Variants in CLTC observed in about 807,000 individuals in gnomAD.
The protein encoded by CLTC is clathrin heavy chain.
Under a neutral mutation model 195.8 loss-of-function variants are expected in CLTC, and 16 were observed. The observed-to-expected ratio is 0.08, with a 90% confidence interval of 0.06 to 0.12. The LOEUF is 0.12. Ranked by LOEUF, CLTC falls within the 10% of genes least tolerant of loss-of-function variation. The probability of loss-of-function intolerance (pLI) is 1.00; values close to 1 mark genes in which losing one functional copy is unlikely to be tolerated. For missense variants in CLTC, 796 were observed against 2,027.0 expected (o/e 0.39, Z 11.66); for synonymous variants, 667 against 689.4 (o/e 0.97, Z 0.51).
At chr17:59,661,770 A>G (rs147520728) in intron 8 of CLTC, 127 bp downstream of exon 8, 5 of 755,502 alleles carry the variant, frequency 6.6e-6, no homozygotes, top group South Asian at 5.1e-5. Flanking sequence ...AAAAACACAC[A>G]TTGCATAAGA....
intron 17 of CLTC, among the ~76,000 whole-genome samples, chr17:59,678,060 T>C (rs2033004054): frequency 6.6e-6 from 1 of 152,186 alleles, no homozygotes; most frequent in African/African-American, 2.4e-5. Flanking sequence ...TTCTCTATAT[T>C]TCATCTAAAT....
Position 59,660,425 on chromosome 17 carries a change from T to C in CLTC, c.1004T>C (p.Ile335Thr). Residue 335 changes from isoleucine (I) to threonine (T), a missense_variant, in exon 7 of 32, where the codon ATT becomes ACT. Ile to Thr is a moderately conservative substitution (Grantham distance 89). Coordinates refer to ENST00000269122, the MANE Select transcript of CLTC (RefSeq NM_004859.4). ...LSVCVEEENI[I>T]PYITNVLQNP... Reference sequence around the variant, plus strand: ...GTGTGTGTGGAAGAAGAAAACATAATTCCTTACATCACCAATGTTCTACAA... The same window carrying C: ...GTGTGTGTGGAAGAAGAAAACATAACTCCTTACATCACCAATGTTCTACAA... 1.2e-6 allele frequency: 2 copies of C among 1,614,112 alleles called. No homozygotes were observed. Among genetic ancestry groups the C allele is most frequent in the Non-Finnish European group, 1.7e-6 (2 of 1,179,972 alleles).
At chr17:59,684,357 C>T (rs1250213173) in intron 28 of CLTC, 1 of 183,274 alleles carries the variant, frequency 5.5e-6, no homozygotes, top group East Asian at 1.5e-4. Flanking sequence ...TATAAACTTT[C>T]TCTTATGAAG....
chr17:59,645,276 T>C (rs189627484), intron 2 of CLTC, among the ~76,000 whole-genome samples: 21 of 152,334 alleles, frequency 1.4e-4, no homozygotes, highest in African/African-American at 4.3e-4. Flanking sequence ...GGCTTGAATT[T>C]ACAGTAATTG....
chr17:59,680,511 T>G (rs1410682887), intron 18 of CLTC, among the ~76,000 whole-genome samples: 1 of 152,102 alleles, frequency 6.6e-6, no homozygotes, highest in Non-Finnish European at 1.5e-5. Context: ...CAAAGCTTCC[T>G]AGGGGAAGGT....
At chr17:59,671,830 T>G (rs2032854786) in intron 14 of CLTC, among the ~76,000 whole-genome samples, 1 of 152,220 alleles carries the variant, frequency 6.6e-6, no homozygotes, top group Non-Finnish European at 1.5e-5. Flanking sequence ...TTACCTTCTT[T>G]GGGTTTCTGA....
chr17:59,664,705 T>C (rs2032688235), intron 9 of CLTC, 82 bp from the exon 10 acceptor site: 1 of 1,466,064 alleles, frequency 6.8e-7, no homozygotes, highest in African/African-American at 1.4e-5. Context: ...TCTATATTAG[T>C]GAGATTTTAT....
At position 59,620,008 on chromosome 17, in the gene CLTC, C is replaced by G; in HGVS notation, c.-124C>G. 2.5e-6 allele frequency: 2 copies of G among 809,476 alleles called. No homozygotes were observed. The highest frequency in any genetic ancestry group is 4.0e-6 in the Non-Finnish European group (2 of 497,170). The allele number at this position is 809,476 out of a possible 1,614,324, so 50.1% of individuals were successfully genotyped here. ...GTCTGCCTGCCAGTTTCCTGCGTCCCCGGAGAGGATCCTGCTGAGCCCAGC... is the reference window on the plus strand; with the variant it reads ...GTCTGCCTGCCAGTTTCCTGCGTCCGCGGAGAGGATCCTGCTGAGCCCAGC... On this transcript the variant is annotated 5_prime_UTR_variant, in exon 1 of 32. Transcript: ENST00000269122.
At chr17:59,671,989 C>G (rs977596657) in intron 14 of CLTC, among the ~76,000 whole-genome samples, 1 of 152,122 alleles carries the variant, frequency 6.6e-6, no homozygotes, top group Non-Finnish European at 1.5e-5. Context: ...GACTCTGCTT[C>G]CTTTGTTCCC....
chr17:59,687,869 C>T (rs1010901897), intron 30 of CLTC, among the ~76,000 whole-genome samples: 31 of 152,142 alleles, frequency 2.0e-4, no homozygotes, highest in African/African-American at 7.5e-4. Context: ...TTGTCTCCAT[C>T]CCAATATAAA....
intron 28 of CLTC, 36 bp downstream of exon 28, chr17:59,684,021 C>T: frequency 7.6e-7 from 1 of 1,308,474 alleles, no homozygotes. Context: ...AATCTCAAGA[C>T]TCATAAAGTT....
chr17:59,623,412 C>T (rs967012992), intron 1 of CLTC, among the ~76,000 whole-genome samples: 1 of 152,120 alleles, frequency 6.6e-6, no homozygotes, highest in Non-Finnish European at 1.5e-5. Flanking sequence ...TCTTGATGGT[C>T]AGTTTACCCA....
At position 59,685,919 on chromosome 17, in the gene CLTC, C is replaced by A; in HGVS notation, c.4827+111C>A. ...CTTTAGTAGAAGTAAGTCATTTAGT[C>A]GATCATAAAATATTCCTGTTCTTTT... On this transcript the variant is annotated intron_variant, in intron 30 of 31. Coordinates refer to ENST00000269122, the MANE Select transcript of CLTC (RefSeq NM_004859.4). The surrounding 1 kb of genome is among the most constrained non-coding windows in gnomAD (Gnocchi z 5.0). 1.2e-6 allele frequency: 1 copy of A among 817,028 alleles called. No individual in the cohort carries two copies. The highest frequency in any genetic ancestry group is 1.9e-6 in the Non-Finnish European group (1 of 537,790). 50.6% of individuals were successfully genotyped at this position (817,028 alleles called of 1,614,324 possible).
At chr17:59,639,033 A>G (rs2031952912) in intron 1 of CLTC, among the ~76,000 whole-genome samples, 1 of 152,222 alleles carries the variant, frequency 6.6e-6, no homozygotes, top group Non-Finnish European at 1.5e-5. Flanking sequence ...TTGCCTTTTT[A>G]GATCCAGGTT....
intron 6 of CLTC, among the ~76,000 whole-genome samples, chr17:59,656,530 C>G (rs1309587332): frequency 6.6e-6 from 1 of 152,090 alleles, no homozygotes; most frequent in Non-Finnish European, 1.5e-5. Flanking sequence ...TGATATGTTT[C>G]AGTACCTCTT....
At chr17:59,629,984 T>C (rs2031663765) in intron 1 of CLTC, among the ~76,000 whole-genome samples, 1 of 152,192 alleles carries the variant, frequency 6.6e-6, no homozygotes, top group African/African-American at 2.4e-5. Context: ...AAAATGCATA[T>C]GCAGAGTTTA....
In CLTC at chr17:59,693,951, G is replaced by A; in HGVS notation, c.*99G>A. 7.8e-7 allele frequency: 1 copy of A among 1,274,294 alleles called. No individual in the cohort carries two copies. Among genetic ancestry groups the A allele is most frequent in the South Asian group, 1.9e-5 (1 of 52,282 alleles). 78.9% of individuals were successfully genotyped at this position (1,274,294 alleles called of 1,614,324 possible). ...GGGGGAAAACAGGCAACGTGTTCTT[G>A]TAACCTTTATTTCATGAAGGACTTC... is the stretch of plus-strand genomic sequence containing the variant. On this transcript the variant is annotated 3_prime_UTR_variant, in exon 32 of 32. Coordinates refer to ENST00000269122, the MANE Select transcript of CLTC (RefSeq NM_004859.4).
At chr17:59,629,455 T>G (rs1244236116) in intron 1 of CLTC, among the ~76,000 whole-genome samples, 2 of 151,890 alleles carry the variant, frequency 1.3e-5, no homozygotes, top group African/African-American at 2.4e-5. Flanking sequence ...TTGGATGTTA[T>G]AAGCAGATGA....
chr17:59,644,717 G>GT (rs2032143992), intron 2 of CLTC, among the ~76,000 whole-genome samples: 2 of 151,732 alleles, frequency 1.3e-5, no homozygotes, highest in African/African-American at 2.4e-5. Context: ...CAACCAGCTA[G>GT]TTTTTTTGTA....
Sources: gnomAD v4.1 joint callset for allele counts (sites outside exome capture counted in the v4.1 genomes callset) on GRCh38, gnomAD v4.1.1 for gene constraint, Gnocchi (gnomAD v3.1) non-coding constraint, MANE v1.5 for transcripts, NCBI Gene and HGNC (gene_info 2026-07-23, HGNC 2026-07-21) for gene names.